NUDT3: variants seen among roughly 807,000 people sequenced by gnomAD.
NUDT3 encodes diphosphoinositol polyphosphate phosphohydrolase 1.
NUDT3 carries 9 observed loss-of-function variants against 23.6 expected under a neutral mutation model. The ratio of observed to expected loss-of-function variants is 0.38; its 90% CI spans 0.23 to 0.66. The LOEUF is 0.66. Among genes scored for constraint, NUDT3 ranks in the 30% least tolerant of loss-of-function variants. NUDT3 has a pLI of 0.52. For synonymous variants in NUDT3, 86 were observed against 82.6 expected, an observed-to-expected ratio of 1.04 and a Z score of -0.22; for missense variants, 172 against 218.5, an observed-to-expected ratio of 0.79 and a Z score of 1.34.
chr6:34,353,595 G>A (rs1055561001), intron 1 of NUDT3, among the ~76,000 whole-genome samples: 1 of 152,048 alleles, frequency 6.6e-6, no homozygotes, highest in East Asian at 1.9e-4. Flanking sequence ...GTAGAGACAG[G>A]GTTTCACCAT....
intron 1 of NUDT3, among the ~76,000 whole-genome samples, chr6:34,389,260 G>A (rs185064788): frequency 3.9e-5 from 6 of 152,176 alleles, no homozygotes; most frequent in Non-Finnish European, 7.4e-5. Context: ...GAATGCTCAC[G>A]AAATCCAATG....
intron 3 of NUDT3, among the ~76,000 whole-genome samples, chr6:34,294,389 T>C (rs1763468339): frequency 6.6e-6 from 1 of 152,008 alleles, no homozygotes; most frequent in East Asian, 2.0e-4. Flanking sequence ...CCCAAAATGC[T>C]GGGATTACAG....
At chr6:34,297,760 A>ATATATATATATATATATTTTTT (rs1763535832) in intron 2 of NUDT3, among the ~76,000 whole-genome samples, 2 of 53,646 alleles carry the variant, frequency 3.7e-5, no homozygotes, top group Non-Finnish European at 6.2e-5. Flanking sequence ...TATATATATA[A>ATATATATATATATATATTTTTT]TTTTTTTTTT....
intron 2 of NUDT3, among the ~76,000 whole-genome samples, chr6:34,338,719 C>T (rs1402483578): frequency 6.6e-6 from 1 of 152,192 alleles, no homozygotes; most frequent in Admixed American, 6.5e-5. Flanking sequence ...ACAGCTCTCT[C>T]ACAAGCCACT....
intron 2 of NUDT3, among the ~76,000 whole-genome samples, chr6:34,307,880 CG>C (rs1561901975): frequency 6.6e-6 from 1 of 151,406 alleles, no homozygotes; most frequent in Non-Finnish European, 1.5e-5. Context: ...GCACTTTGGG[CG>C]GCTGAGGCAG....
chr6:34,360,926 A>C (rs1023150179), intron 1 of NUDT3, among the ~76,000 whole-genome samples: 6 of 152,194 alleles, frequency 3.9e-5, no homozygotes, highest in African/African-American at 1.2e-4. Flanking sequence ...CTCATGAAGA[A>C]ATATATACAT....
chr6:34,338,786 TTAGCACAGCCAGGCAGAGGAGAA>T (rs1377072777), intron 2 of NUDT3, among the ~76,000 whole-genome samples: 2 of 152,206 alleles, frequency 1.3e-5, no homozygotes, highest in Non-Finnish European at 2.9e-5. Flanking sequence ...CCTTGATGGG[TTAGCACAGCCAGGCAGAGGAGAA>T]TGTCTGATAC....
intron 2 of NUDT3, among the ~76,000 whole-genome samples, chr6:34,335,585 T>C (rs973761022): frequency 2.0e-5 from 3 of 152,040 alleles, no homozygotes; most frequent in Non-Finnish European, 2.9e-5. Context: ...AAAAATATAG[T>C]TGAATAATTT....
intron 1 of NUDT3, among the ~76,000 whole-genome samples, chr6:34,348,075 G>A (rs1425328956): frequency 1.3e-5 from 2 of 151,970 alleles, no homozygotes; most frequent in Non-Finnish European, 2.9e-5. Flanking sequence ...GAGGCGGGCA[G>A]ATCACTTGAG....
intron 2 of NUDT3, 83 bp downstream of exon 2, chr6:34,341,779 G>A: frequency 8.1e-7 from 1 of 1,237,182 alleles, no homozygotes; most frequent in South Asian, 1.4e-5. Flanking sequence ...TATTCAGTGA[G>A]TGCTGACATA....
At chr6:34,385,783 A>G (rs1765095650) in intron 1 of NUDT3, among the ~76,000 whole-genome samples, 1 of 151,576 alleles carries the variant, frequency 6.6e-6, no homozygotes, top group Non-Finnish European at 1.5e-5. Flanking sequence ...TCCTGGGTTC[A>G]AGCAATTCTT....
At chr6:34,306,804 T>A (rs1383294404) in intron 2 of NUDT3, among the ~76,000 whole-genome samples, 1 of 152,244 alleles carries the variant, frequency 6.6e-6, no homozygotes, top group African/African-American at 2.4e-5. Flanking sequence ...AAGATATCTT[T>A]AATTCCAGTT....
chr6:34,322,904 G>C (rs1376449225), intron 2 of NUDT3, among the ~76,000 whole-genome samples: 2 of 152,194 alleles, frequency 1.3e-5, no homozygotes, highest in African/African-American at 4.8e-5. Flanking sequence ...ATACAAAATG[G>C]AATACTATGC....
Position 34,303,178 on chromosome 6 carries a change from C to T in NUDT3, c.211-7493G>A, listed in dbSNP as rs1009314721. Among the ~76,000 whole-genome samples, 8 of 140,470 alleles carry T rather than the reference C, an allele frequency of 5.7e-5. No homozygotes were observed. In the East Asian group the frequency reaches 8.5e-4, roughly 15 times the overall value. 92.2% of individuals were successfully genotyped at this position (140,470 alleles called of 152,430 possible). ...TCCTGAGTAACGCGGATCACAGATG[C>T]GTGTCACCATACCTGGCAATTTTTT... On this transcript the variant is annotated intron_variant, in intron 2 of 4. Coordinates refer to ENST00000607016, the MANE Select transcript of NUDT3 (RefSeq NM_006703.4).
At chr6:34,302,609 G>GT (rs1046101231) in intron 2 of NUDT3, among the ~76,000 whole-genome samples, 69 of 152,172 alleles carry the variant, frequency 4.5e-4, no homozygotes, top group African/African-American at 1.6e-3. Context: ...GCGTGTGCCT[G>GT]TAGTCCCAGT....
In NUDT3 at chr6:34,392,400, G is replaced by A. The variant is rs1008730880; in HGVS notation, c.-38C>T. 1.3e-6 allele frequency: 2 copies of A among 1,532,718 alleles called. No homozygotes were observed. The highest frequency in any genetic ancestry group is 8.9e-7 in the Non-Finnish European group (1 of 1,127,354). The allele number at this position is 1,532,718 out of a possible 1,614,324, so 94.9% of individuals were successfully genotyped here. A position where few individuals can be genotyped will look rare whatever the true frequency, so the allele number is the denominator to read the frequency against. On this transcript the variant is annotated 5_prime_UTR_variant, in exon 1 of 5. Coordinates refer to ENST00000607016, the MANE Select transcript of NUDT3 (RefSeq NM_006703.4). The stretch of plus-strand genomic sequence containing the variant: ...GGTGGGGGTGCGGTGCGGGTCGCAG[G>A]AGTCGAGGGGTGGGGAGCCCGCTCT...
chr6:34,288,140 G>A lies in NUDT3; in HGVS notation c.*613C>T, dbSNP rs995435992. 6.6e-6 allele frequency: 1 copy of A among 152,062 alleles called. No individual in the cohort carries two copies. The highest frequency in any genetic ancestry group is 1.5e-5 in the Non-Finnish European group (1 of 68,008). 9.4% of individuals were successfully genotyped at this position (152,062 alleles called of 1,614,324 possible). A position where few individuals can be genotyped will look rare whatever the true frequency, so the allele number is the denominator to read the frequency against. On this transcript the variant is annotated 3_prime_UTR_variant, in exon 5 of 5. Transcript: ENST00000607016. ...AGCCACTAGCATCGAAAACAAAAAG[G>A]TATGTTAATTGTGAGGCTCTCAATT... is the stretch of plus-strand genomic sequence containing the variant.
chr6:34,358,159 C>A (rs949372391), intron 1 of NUDT3, among the ~76,000 whole-genome samples: 1 of 151,966 alleles, frequency 6.6e-6, no homozygotes, highest in South Asian at 2.1e-4. Context: ...ATGGGGCTAA[C>A]ATCACCATAC....
chr6:34,351,224 A>AAAAAAAAAAC (rs1374203552), intron 1 of NUDT3, among the ~76,000 whole-genome samples: 2 of 136,350 alleles, frequency 1.5e-5, no homozygotes, highest in African/African-American at 5.9e-5. Context: ...AAAAAAAAAA[A>AAAAAAAAAAC]AACACTTTGG....
Sources: gnomAD v4.1 joint callset for allele counts (sites outside exome capture counted in the v4.1 genomes callset) on GRCh38, gnomAD v4.1.1 for gene constraint, MANE v1.5 for transcripts, NCBI Gene and HGNC (gene_info 2026-07-23, HGNC 2026-07-21) for gene names.